Variants in KIAA1217 observed in about 807,000 individuals in gnomAD.
KIAA1217 encodes sickle tail protein homolog.
In KIAA1217, 88 loss-of-function variants were observed where a neutral mutation model predicts 163.9. The ratio of observed to expected loss-of-function variants is 0.54; its 90% CI spans 0.45 to 0.64. The LOEUF (loss-of-function observed/expected upper bound fraction) is 0.64, where lower values mean the gene tolerates loss of function less well. Ranked by LOEUF, KIAA1217 falls within the 30% of genes least tolerant of loss-of-function variation. KIAA1217 has a pLI of 0.00. For missense variants in KIAA1217, 2,372 were observed against 2,475.0 expected (o/e 0.96, Z 0.88); for synonymous variants, 903 against 923.1 (o/e 0.98, Z 0.39).
chr10:24,532,969 G>T, intron 15 of KIAA1217, 101 bp from the exon 16 acceptor site: 1 of 999,310 alleles, frequency 1.0e-6, no homozygotes, highest in South Asian at 2.9e-5. Context: ...TAAGATCTAG[G>T]AAGCAAGTGT....
intron 3 of KIAA1217, among the ~76,000 whole-genome samples, chr10:24,407,552 C>G (rs748044009): frequency 1.3e-5 from 2 of 152,084 alleles, no homozygotes; most frequent in African/African-American, 4.8e-5. Flanking sequence ...GTGATCCCCC[C>G]ACCTCAGCCT....
chr10:23,797,041 A>G (rs1013443776), intron 1 of KIAA1217, among the ~76,000 whole-genome samples: 3 of 152,128 alleles, frequency 2.0e-5, no homozygotes, highest in African/African-American at 7.2e-5. Flanking sequence ...TTTTTTGTAA[A>G]GACAGGATCT....
chr10:24,341,539 T>C (rs2047100756), intron 2 of KIAA1217, among the ~76,000 whole-genome samples: 2 of 152,234 alleles, frequency 1.3e-5, no homozygotes, highest in Non-Finnish European at 2.9e-5. Flanking sequence ...CTCCTCTATT[T>C]GAGCCCAACA....
chr10:23,921,037 G>A (rs1413305791), intron 1 of KIAA1217, among the ~76,000 whole-genome samples: 1 of 152,164 alleles, frequency 6.6e-6, no homozygotes, highest in Admixed American at 6.5e-5. Context: ...GTGGAACTGT[G>A]AGTCCATTAT....
intron 2 of KIAA1217, among the ~76,000 whole-genome samples, chr10:24,294,263 A>C (rs16924482): frequency 0.016 from 2,474 of 150,680 alleles, 62 homozygotes; most frequent in African/African-American, 0.057. Context: ...GGGGCTCTAC[A>C]TTTGCCTGCT....
intron 2 of KIAA1217, among the ~76,000 whole-genome samples, chr10:24,299,785 A>G (rs1171235049): frequency 6.6e-6 from 1 of 152,150 alleles, no homozygotes. Context: ...TGATACTTAC[A>G]GCCCTGGTGT....
At chr10:24,194,520 A>G in intron 2 of KIAA1217, among the ~76,000 whole-genome samples, 1 of 150,730 alleles carries the variant, frequency 6.6e-6, no homozygotes, top group African/African-American at 2.4e-5. Context: ...TGAACTCCCA[A>G]ACCAGGTGTG....
intron 1 of KIAA1217, among the ~76,000 whole-genome samples, chr10:23,985,750 A>G (rs1379645540): frequency 6.6e-6 from 1 of 152,192 alleles, no homozygotes; most frequent in African/African-American, 2.4e-5. Context: ...GGTTGGATTC[A>G]AGTCTGCTGC....
At chr10:24,504,314 T>A (rs554689380) in intron 9 of KIAA1217, among the ~76,000 whole-genome samples, 1 of 152,310 alleles carries the variant, frequency 6.6e-6, no homozygotes, top group East Asian at 1.9e-4. Context: ...CCTGGGAAGT[T>A]GGGCAGTTCT....
chr10:24,270,809 G>T (rs2076701897), intron 2 of KIAA1217, among the ~76,000 whole-genome samples: 1 of 152,142 alleles, frequency 6.6e-6, no homozygotes, highest in African/African-American at 2.4e-5. Flanking sequence ...GGCCTCCCAA[G>T]GTGATGGGAT....
intron 5 of KIAA1217, among the ~76,000 whole-genome samples, chr10:24,471,135 A>G (rs1029232726): frequency 6.6e-6 from 1 of 152,080 alleles, no homozygotes; most frequent in Non-Finnish European, 1.5e-5. Context: ...TTCATTTTCA[A>G]CCTTCTCCTG....
In KIAA1217 at chr10:24,116,278, G is replaced by GA. The variant is rs199885138; in HGVS notation, c.-170-103340dup. Among the ~76,000 whole-genome samples the GA allele has an allele frequency of 3.4e-3, 521 of 151,676 alleles. 2 individuals are homozygous for GA. Among genetic ancestry groups the GA allele is most frequent in the African/African-American group, 0.012 (494 of 41,408 alleles). On this transcript the variant is annotated intron_variant, in intron 2 of 18. Transcript: ENST00000376462. ...GATACACCTCTGACTGCACAGCTCAGAAAAAAAAGGCCAAAATATTCAGGA... is the reference window on the plus strand; with the variant it reads ...GATACACCTCTGACTGCACAGCTCAGAAAAAAAAAGGCCAAAATATTCAGGA...
chr10:23,720,465 T>C (rs539594945), intron 1 of KIAA1217, among the ~76,000 whole-genome samples: 2 of 152,178 alleles, frequency 1.3e-5, no homozygotes, highest in Admixed American at 1.3e-4. Flanking sequence ...GAAATCTCTT[T>C]GTGGACATTA....
chr10:24,287,948 C>A (rs557422699), intron 2 of KIAA1217, among the ~76,000 whole-genome samples: 1 of 152,282 alleles, frequency 6.6e-6, no homozygotes, highest in East Asian at 1.9e-4. Context: ...TTAGTAGCCA[C>A]CAGGGAGACA....
At chr10:23,954,822 A>C (rs1350816367) in intron 1 of KIAA1217, among the ~76,000 whole-genome samples, 1 of 152,152 alleles carries the variant, frequency 6.6e-6, no homozygotes, top group East Asian at 1.9e-4. Flanking sequence ...TAACTGGCCC[A>C]TGGTCTCAAG....
At chr10:23,803,091 G>T (rs1397734967) in intron 1 of KIAA1217, among the ~76,000 whole-genome samples, 4 of 152,110 alleles carry the variant, frequency 2.6e-5, no homozygotes, top group Non-Finnish European at 5.9e-5. Context: ...TCTCTACAAG[G>T]TGATCAAGGA....
chr10:23,840,160 CT>C (rs58314817), intron 1 of KIAA1217, among the ~76,000 whole-genome samples: 282 of 144,680 alleles, frequency 1.9e-3, no homozygotes, highest in Admixed American at 2.5e-3. Context: ...AATTACGCTT[CT>C]TTTTTTTTTT....
chr10:23,815,362 A>C (rs1837265249), intron 1 of KIAA1217, among the ~76,000 whole-genome samples: 1 of 152,186 alleles, frequency 6.6e-6, no homozygotes, highest in South Asian at 2.1e-4. Flanking sequence ...TTAATAATTT[A>C]GGCTGGGCGC....
At chr10:24,311,678 C>T (rs1290898901) in intron 2 of KIAA1217, among the ~76,000 whole-genome samples, 1 of 152,156 alleles carries the variant, frequency 6.6e-6, no homozygotes, top group African/African-American at 2.4e-5. Flanking sequence ...GCAGTGACCT[C>T]TGCATTTGAG....
Sources: gnomAD v4.1 joint callset for allele counts (sites outside exome capture counted in the v4.1 genomes callset) on GRCh38, gnomAD v4.1.1 for gene constraint, MANE v1.5 for transcripts, NCBI Gene and HGNC (gene_info 2026-07-23, HGNC 2026-07-21) for gene names.